Variants in BNC2 observed in about 807,000 individuals in gnomAD.
BNC2 encodes the protein basonuclin zinc finger protein 2.
In BNC2, 20 loss-of-function variants were observed where a neutral mutation model predicts 76.3. The ratio of observed to expected loss-of-function variants is 0.26; its 90% CI spans 0.18 to 0.38. BNC2 has a LOEUF of 0.38. BNC2 is among the 10% of genes least tolerant of loss of function. The probability of loss-of-function intolerance (pLI) is 1.00; values close to 1 mark genes in which losing one functional copy is unlikely to be tolerated. For missense variants in BNC2, 1,382 were observed against 1,399.8 expected (o/e 0.99, Z 0.20); for synonymous variants, 582 against 514.8 (o/e 1.13, Z -1.77).
rs1211434591 is a variant in BNC2, at chr9:16,559,491, G to C, written c.434-6726C>G. Among the ~76,000 whole-genome samples, 7 of 152,174 alleles carry C rather than the reference G, an allele frequency of 4.6e-5. 1 individual carries two copies. In the East Asian group the frequency reaches 1.3e-3, roughly 29 times the overall value. The stretch of plus-strand genomic sequence containing the variant: ...TGAGATTATAGGCTCAATCAGGTTA[G>C]GTAACTGGCCTAAGGTCACTTAGCA... On this transcript the variant is annotated intron_variant, in intron 4 of 6. Transcript: ENST00000380672.
chr9:16,820,401 G>A (rs1818294333), intron 1 of BNC2, among the ~76,000 whole-genome samples: 1 of 152,052 alleles, frequency 6.6e-6, no homozygotes, highest in Non-Finnish European at 1.5e-5. Flanking sequence ...GCTCCAGCCT[G>A]GGCAACAAGA....
chr9:16,757,553 C>G (rs1313073279), intron 1 of BNC2, among the ~76,000 whole-genome samples: 1 of 152,164 alleles, frequency 6.6e-6, no homozygotes, highest in Non-Finnish European at 1.5e-5. Flanking sequence ...ACCTAACACA[C>G]TTACATTCCT....
At chr9:16,507,160 G>A (rs1159732425) in intron 5 of BNC2, among the ~76,000 whole-genome samples, 1 of 148,878 alleles carries the variant, frequency 6.7e-6, no homozygotes, top group Non-Finnish European at 1.5e-5. Context: ...ATTGTACATA[G>A]TATTTTCTAC....
At chr9:16,780,773 G>C (rs888069849) in intron 1 of BNC2, among the ~76,000 whole-genome samples, 2 of 152,008 alleles carry the variant, frequency 1.3e-5, no homozygotes, top group South Asian at 4.2e-4. Flanking sequence ...TAAAACCCCT[G>C]TAAACCAAGT....
chr9:16,847,570 G>A (rs1159177079), intron 1 of BNC2, among the ~76,000 whole-genome samples: 1 of 152,008 alleles, frequency 6.6e-6, no homozygotes, highest in Non-Finnish European at 1.5e-5. Context: ...ATCAGGAATA[G>A]AACATTAAAT....
At chr9:16,640,832 C>T (rs1821473112) in intron 3 of BNC2, among the ~76,000 whole-genome samples, 1 of 152,126 alleles carries the variant, frequency 6.6e-6, no homozygotes, top group South Asian at 2.1e-4. Context: ...CTGGCTCTGC[C>T]CCTTGTGGTC....
intron 1 of BNC2, among the ~76,000 whole-genome samples, chr9:16,785,639 C>G (rs540738734): frequency 2.0e-5 from 3 of 147,768 alleles, no homozygotes; most frequent in African/African-American, 7.5e-5. Flanking sequence ...CTCAGGTGAT[C>G]GGCCCGCCTC....
intron 3 of BNC2, among the ~76,000 whole-genome samples, chr9:16,666,979 T>G (rs1041902412): frequency 2.0e-5 from 3 of 152,006 alleles, no homozygotes; most frequent in African/African-American, 7.2e-5. Context: ...GATATTACAC[T>G]CTGAAAAAAT....
At chr9:16,661,233 C>A (rs1203633945) in intron 3 of BNC2, among the ~76,000 whole-genome samples, 2 of 152,144 alleles carry the variant, frequency 1.3e-5, no homozygotes, top group Non-Finnish European at 2.9e-5. Context: ...GGGTAATATA[C>A]TCATCTTCTA....
intron 1 of BNC2, 144 bp from the exon 2 acceptor site, chr9:16,738,629 G>C (rs535198193): frequency 1.4e-5 from 13 of 914,000 alleles, no homozygotes; most frequent in Non-Finnish European, 2.0e-5. Flanking sequence ...TAGTTTCTAA[G>C]GCTGATAGTA....
intron 5 of BNC2, among the ~76,000 whole-genome samples, chr9:16,463,294 C>CTT (rs34855187): frequency 0.43 from 44,882 of 105,468 alleles, 11,297 homozygotes; most frequent in South Asian, 0.55. Flanking sequence ...GTATTAAATT[C>CTT]TTTTTTTTTT....
rs551075838 is a variant in BNC2 at position 16,416,326 on chromosome 9, C to A, written c.*2663G>T. On this transcript the variant is annotated 3_prime_UTR_variant, in exon 7 of 7. Transcript: ENST00000380672. Reference sequence around the variant, plus strand: ...AATGTTTTGTTGGGATATTAAAAATCTTTTCCCACCCTTTTTGAATCTAAC... The same window carrying A: ...AATGTTTTGTTGGGATATTAAAAATATTTTCCCACCCTTTTTGAATCTAAC... 2.6e-3 allele frequency: 399 copies of A among 152,712 alleles called. 3 individuals are homozygous for A. Among genetic ancestry groups the A allele is most frequent in the African/African-American group, 9.2e-3 (382 of 41,560 alleles). 9.5% of individuals were successfully genotyped at this position (152,712 alleles called of 1,614,324 possible).
intron 3 of BNC2, among the ~76,000 whole-genome samples, chr9:16,599,107 A>T (rs1405403973): frequency 6.6e-6 from 1 of 152,230 alleles, no homozygotes; most frequent in Non-Finnish European, 1.5e-5. Context: ...ATTTGCTAAG[A>T]TTTGACTACT....
In BNC2 at chr9:16,870,638, C is replaced by T; in HGVS notation, c.3+8G>A. On this transcript the variant is annotated splice_region_variant and intron_variant, in intron 1 of 6. Transcript: ENST00000380672. Reference sequence around the variant, plus strand: ...AATAAAAGAGGAAGGAGGGTGGAAACTTCTTACCATCTCGGCATGCTGGTT... The same window carrying T: ...AATAAAAGAGGAAGGAGGGTGGAAATTTCTTACCATCTCGGCATGCTGGTT... 1 of 1,611,242 alleles carries T rather than the reference C, an allele frequency of 6.2e-7. No homozygotes were observed. The highest frequency in any genetic ancestry group is 8.5e-7 in the Non-Finnish European group (1 of 1,178,626).
intron 5 of BNC2, among the ~76,000 whole-genome samples, chr9:16,444,060 A>G (rs1821182610): frequency 1.3e-5 from 2 of 152,210 alleles, no homozygotes; most frequent in Non-Finnish European, 2.9e-5. Flanking sequence ...TCCACTGTTT[A>G]TAAGCCACCT....
intron 5 of BNC2, among the ~76,000 whole-genome samples, chr9:16,501,470 A>C (rs944526030): frequency 4.6e-5 from 7 of 152,188 alleles, no homozygotes; most frequent in African/African-American, 1.7e-4. Flanking sequence ...CCACTCAGTG[A>C]GATGGATGGA....
chr9:16,483,800 G>A (rs542232360), intron 5 of BNC2, among the ~76,000 whole-genome samples: 26 of 152,196 alleles, frequency 1.7e-4, no homozygotes, highest in Non-Finnish European at 2.8e-4. Flanking sequence ...TGGTCCCTGA[G>A]CAAAAGGACT....
chr9:16,749,873 T>C (rs9987471), intron 1 of BNC2, among the ~76,000 whole-genome samples: 70,456 of 152,152 alleles, frequency 0.46, 21,984 homozygotes, highest in Non-Finnish European at 0.69. Flanking sequence ...ACAGAAGTTA[T>C]GTTTCATCTA....
At chr9:16,796,140 G>C (rs1226301130) in intron 1 of BNC2, among the ~76,000 whole-genome samples, 1 of 152,124 alleles carries the variant, frequency 6.6e-6, no homozygotes, top group Non-Finnish European at 1.5e-5. Flanking sequence ...ATAAAACAGA[G>C]ACAAAGCCAG....
Sources: allele counts gnomAD v4.1 joint callset (sites outside exome capture counted in the v4.1 genomes callset), GRCh38; gene constraint gnomAD v4.1.1; transcripts MANE v1.5; gene names NCBI Gene and HGNC (gene_info 2026-07-23, HGNC 2026-07-21).